RMI1: variants seen among roughly 807,000 people sequenced by gnomAD.
RMI1 encodes the protein recQ-mediated genome instability protein 1.
RMI1 carries 36 observed loss-of-function variants against 46.7 expected under a neutral mutation model. The observed-to-expected ratio is 0.77, with a 90% CI of 0.59 to 1.02. The LOEUF (loss-of-function observed/expected upper bound fraction) is 1.02, where lower values mean the gene tolerates loss of function less well. RMI1 is among the 50% of genes least tolerant of loss of function. The pLI, the probability that RMI1 is intolerant of heterozygous loss-of-function variation, is 0.00. For missense variants in RMI1, 676 were observed against 713.7 expected, an observed-to-expected ratio of 0.95 and a Z score of 0.60; for synonymous variants, 250 against 252.9, an observed-to-expected ratio of 0.99 and a Z score of 0.11.
chr9:83,989,674 A>T (rs899747363), intron 1 of RMI1, among the ~76,000 whole-genome samples: 1 of 150,566 alleles, frequency 6.6e-6, no homozygotes, highest in African/African-American at 2.5e-5. Context: ...AGACAAAAAA[A>T]AAAATAAAAT....
Position 84,001,233 on chromosome 9 carries a change from G to T in RMI1, c.247G>T (p.Gly83Ter). Residue 83 changes from glycine (G) to a stop codon, truncating the protein, a stop_gained, in exon 3 of 3, where the codon GGA becomes TGA. Transcript: ENST00000445877. LOFTEE classifies it high-confidence loss of function. ...ILEIPKGELN[G>*]FYALQINSLV... is the part of the protein sequence containing the mutation. ...AGAAATTCCAAAAGGAGAATTAAAT[G>T]GATTTTATGCTCTGCAGATTAATTC... 2 of 1,614,096 alleles carry T rather than the reference G, an allele frequency of 1.2e-6. No individual in the cohort carries two copies. Among genetic ancestry groups the T allele is most frequent in the Non-Finnish European group, 1.7e-6 (2 of 1,179,980 alleles).
At chr9:83,996,871 G>A (rs181570825) in intron 1 of RMI1, among the ~76,000 whole-genome samples, 4 of 152,138 alleles carry the variant, frequency 2.6e-5, no homozygotes, top group Admixed American at 2.6e-4. Flanking sequence ...GAGGGAGAAG[G>A]TGCCACACAC....
chr9:83,988,057 T>C (rs1957518257), intron 1 of RMI1, among the ~76,000 whole-genome samples: 1 of 151,988 alleles, frequency 6.6e-6, no homozygotes, highest in Non-Finnish European at 1.5e-5. Flanking sequence ...AGTTTTTTAA[T>C]TTTTTGTAAC....
chr9:83,988,046 C>T (rs969424101), intron 1 of RMI1, among the ~76,000 whole-genome samples: 1 of 151,604 alleles, frequency 6.6e-6, no homozygotes, highest in Non-Finnish European at 1.5e-5. Flanking sequence ...CCACCACACT[C>T]AGTTTTTTAA....
In RMI1 at chr9:83,980,878, TG is replaced by T. The variant is rs1957365938; in HGVS notation, c.-138del. 6.6e-6 allele frequency: 1 copy of T among 152,246 alleles called. No homozygotes were observed. The highest frequency in any genetic ancestry group is 6.5e-5 in the Admixed American group (1 of 15,274). The allele number at this position is 152,246 out of a possible 1,614,324, so 9.4% of individuals were successfully genotyped here. On this transcript the variant is annotated 5_prime_UTR_variant, in exon 1 of 3. It removes an upstream start codon present in the reference 5' UTR. Coordinates refer to ENST00000445877, the MANE Select transcript of RMI1 (RefSeq NM_001358291.2). The stretch of plus-strand genomic sequence containing the variant: ...AGGGACCGATGTTGCGCGAGGAAAA[TG>T]CGGGACGCCCAGGTCGGTGCTCGGC...
intron 1 of RMI1, among the ~76,000 whole-genome samples, chr9:83,986,602 G>A (rs981789800): frequency 1.2e-4 from 19 of 152,132 alleles, no homozygotes; most frequent in African/African-American, 4.1e-4. Flanking sequence ...AAAAATTACT[G>A]TTTTGAGGTT....
chr9:83,995,892 G>A (rs1249470022), intron 1 of RMI1, among the ~76,000 whole-genome samples: 1 of 151,750 alleles, frequency 6.6e-6, no homozygotes, highest in African/African-American at 2.4e-5. Context: ...ATAAATGCCC[G>A]TGATCATTTA....
intron 1 of RMI1, among the ~76,000 whole-genome samples, chr9:83,987,723 C>G (rs993970130): frequency 6.6e-6 from 1 of 152,198 alleles, no homozygotes; most frequent in Non-Finnish European, 1.5e-5. Context: ...TTGCATTTTT[C>G]CAGAATGTCA....
intron 1 of RMI1, among the ~76,000 whole-genome samples, chr9:83,993,215 A>G (rs1358594358): frequency 6.6e-6 from 1 of 152,176 alleles, no homozygotes; most frequent in African/African-American, 2.4e-5. Context: ...GTGCTTGATT[A>G]TATTAGGTAC....
chr9:83,991,546 G>A (rs558149818), intron 1 of RMI1, among the ~76,000 whole-genome samples: 2 of 152,146 alleles, frequency 1.3e-5, no homozygotes, highest in South Asian at 4.1e-4. Flanking sequence ...CTGAACTTTT[G>A]TCCTCAGGTG....
At chr9:83,980,458 C>T (rs1040164074), upstream of RMI1, 5 of 152,780 alleles carry the variant, frequency 3.3e-5, no homozygotes, top group Non-Finnish European at 7.3e-5. Context: ...GAGCCCCAAC[C>T]CTTACCCGAA....
intron 2 of RMI1, 22 bp from the exon 3 acceptor site, chr9:84,000,928 AT>A (rs966735459): frequency 5.7e-4 from 724 of 1,265,210 alleles, no homozygotes; most frequent in Non-Finnish European, 6.6e-4. Context: ...AATTATCTAA[AT>A]TTTTTTGTTT....
Position 84,001,347 on chromosome 9 carries a change from CA to C in RMI1, c.363del (p.Val122Ter), listed in dbSNP as rs769985236. The part of the protein sequence containing the change: ...TTNDLVTAEA[Q>X]VTPKPWEAKP... ...AAATGATCTAGTTACAGCTGAAGCA[CA>C]AGTAACCCCAAAACCTTGGGAAGCA... On this transcript the variant is annotated frameshift_variant, in exon 3 of 3. Coordinates refer to ENST00000445877, the MANE Select transcript of RMI1 (RefSeq NM_001358291.2). LOFTEE classifies it high-confidence loss of function. 1.2e-6 allele frequency: 2 copies of C among 1,613,994 alleles called. No homozygotes were observed. The highest frequency in any genetic ancestry group is 2.7e-5 in the African/African-American group (2 of 74,922).
At chr9:83,986,396 T>A (rs1468996408) in intron 1 of RMI1, among the ~76,000 whole-genome samples, 1 of 152,166 alleles carries the variant, frequency 6.6e-6, no homozygotes, top group Admixed American at 6.5e-5. Flanking sequence ...TATACATAAG[T>A]GGGTTTTATA....
chr9:84,002,392 G>A lies in RMI1; in HGVS notation c.1406G>A (p.Cys469Tyr), dbSNP rs775048315. The A allele has an allele frequency of 1.4e-5, 22 of 1,612,228 alleles. No individual in the cohort carries two copies. In the African/African-American group the frequency reaches 2.7e-4, roughly 20 times the overall value. Residue 469 changes from cysteine to tyrosine, a missense_variant, in exon 3 of 3, where the codon TGT becomes TAT. Transcript: ENST00000445877. ...SNENDCNLQS[C>Y]SLRSSENSIN... ...GAAAATGATTGTAATTTACAGAGTT[G>A]TTCTTTAAGATCATCAGAGAATAGC... is the stretch of plus-strand genomic sequence containing the variant.
At chr9:83,993,592 A>G (rs1036841963) in intron 1 of RMI1, among the ~76,000 whole-genome samples, 2 of 152,096 alleles carry the variant, frequency 1.3e-5, no homozygotes, top group African/African-American at 2.4e-5. Flanking sequence ...ATTTTATAAT[A>G]ATATTAACAG....
intron 1 of RMI1, among the ~76,000 whole-genome samples, chr9:83,988,363 G>A (rs1044221264): frequency 3.3e-5 from 5 of 152,124 alleles, no homozygotes; most frequent in Admixed American, 2.6e-4. Context: ...GAGAGCAGAG[G>A]CATGATCACA....
chr9:83,999,459 T>C (rs1957707472), intron 1 of RMI1, among the ~76,000 whole-genome samples: 1 of 152,214 alleles, frequency 6.6e-6, no homozygotes, highest in African/African-American at 2.4e-5. Flanking sequence ...GTTTATGATA[T>C]AGTCTAGCAC....
At chr9:83,988,592 C>T (rs530994736) in intron 1 of RMI1, among the ~76,000 whole-genome samples, 2 of 152,248 alleles carry the variant, frequency 1.3e-5, no homozygotes, top group South Asian at 2.1e-4. Context: ...GCATGAGCCA[C>T]TGCACCTTGC....
Sources: allele counts gnomAD v4.1 joint callset (sites outside exome capture counted in the v4.1 genomes callset), GRCh38; gene constraint gnomAD v4.1.1; transcripts MANE v1.5; gene names NCBI Gene and HGNC (gene_info 2026-07-23, HGNC 2026-07-21).